The following GMDS variants were observed in gnomAD, a reference collection of about 807,000 sequenced individuals.
The protein encoded by GMDS is GDP-mannose 4,6-dehydratase, also known as GDP-mannose 4,6 dehydratase.
A neutral mutation model predicts 49.9 loss-of-function variants in GMDS; 20 were observed. The observed-to-expected ratio is 0.40, with a 90% CI of 0.28 to 0.58. The LOEUF (loss-of-function observed/expected upper bound fraction) is 0.58, where lower values mean the gene tolerates loss of function less well. Among genes scored for constraint, GMDS ranks in the 20% least tolerant of loss-of-function variants. GMDS has a pLI of 0.42. For missense variants in GMDS, 362 were observed against 481.4 expected (o/e 0.75, Z 2.32); for synonymous variants, 177 against 178.6 (o/e 0.99, Z 0.07).
chr6:1,630,981 G>A (rs1762982780), intron 9 of GMDS, among the ~76,000 whole-genome samples: 1 of 152,214 alleles, frequency 6.6e-6, no homozygotes, highest in Admixed American at 6.5e-5. Context: ...CCAGCACCAT[G>A]TTGGTCGGAA....
intron 7 of GMDS, among the ~76,000 whole-genome samples, chr6:1,851,951 C>G (rs2113767130): frequency 6.6e-6 from 1 of 152,292 alleles, no homozygotes; most frequent in Non-Finnish European, 1.5e-5. Context: ...ACCATGGGTA[C>G]TAACGTCTCA....
chr6:1,941,736 C>G (rs1762833155), intron 6 of GMDS, among the ~76,000 whole-genome samples: 1 of 152,090 alleles, frequency 6.6e-6, no homozygotes, highest in Admixed American at 6.5e-5. Flanking sequence ...GAAACTGATC[C>G]AGGAGAGAGG....
chr6:1,880,815 C>A (rs1354366166), intron 7 of GMDS, among the ~76,000 whole-genome samples: 2 of 152,074 alleles, frequency 1.3e-5, no homozygotes, highest in Non-Finnish European at 1.5e-5. Context: ...CCAACAATGG[C>A]CAGCTGGAAA....
At chr6:1,670,141 A>G (rs966033428) in intron 9 of GMDS, among the ~76,000 whole-genome samples, 2 of 151,964 alleles carry the variant, frequency 1.3e-5, no homozygotes, top group African/African-American at 2.4e-5. Flanking sequence ...CGTGCACCGC[A>G]CTGCCCCACC....
At chr6:2,127,716 G>GC (rs1303146383) in intron 1 of GMDS, among the ~76,000 whole-genome samples, 5 of 152,212 alleles carry the variant, frequency 3.3e-5, no homozygotes, top group Non-Finnish European at 7.3e-5. Context: ...CCAGCTGGCC[G>GC]CCCCCTCGTC....
intron 4 of GMDS, among the ~76,000 whole-genome samples, chr6:2,072,414 AAT>A (rs1772070555): frequency 6.6e-6 from 1 of 152,220 alleles, no homozygotes; most frequent in African/African-American, 2.4e-5. Context: ...TTTCATTTTA[AAT>A]AAAACTGATC....
At chr6:1,648,822 CCT>C (rs1304325044) in intron 9 of GMDS, among the ~76,000 whole-genome samples, 1 of 152,174 alleles carries the variant, frequency 6.6e-6, no homozygotes, top group African/African-American at 2.4e-5. Flanking sequence ...CTGCTGCCTC[CCT>C]GTTTGATTTC....
chr6:1,949,084 T>C, intron 6 of GMDS: 1 of 931,210 alleles, frequency 1.1e-6, no homozygotes, highest in African/African-American at 1.8e-5. Context: ...GTAAAAAAAC[T>C]AATTCTCTAG....
intron 6 of GMDS, among the ~76,000 whole-genome samples, chr6:1,952,737 G>A (rs905088322): frequency 1.3e-5 from 2 of 151,954 alleles, no homozygotes; most frequent in African/African-American, 2.4e-5. Flanking sequence ...AGGCAAATAT[G>A]GAAAGGAAGA....
At chr6:1,769,793 C>G (rs570636867) in intron 7 of GMDS, among the ~76,000 whole-genome samples, 7 of 152,002 alleles carry the variant, frequency 4.6e-5, no homozygotes, top group Non-Finnish European at 8.8e-5. Context: ...AATGCGTGAT[C>G]TCTGCTCACT....
intron 6 of GMDS, among the ~76,000 whole-genome samples, chr6:1,938,120 A>C (rs953713113): frequency 6.6e-6 from 1 of 152,210 alleles, no homozygotes; most frequent in East Asian, 1.9e-4. Context: ...CGTGAGCATA[A>C]TAGCCAAATA....
At chr6:2,157,990 A>T (rs1412929320) in intron 1 of GMDS, among the ~76,000 whole-genome samples, 1 of 152,126 alleles carries the variant, frequency 6.6e-6, no homozygotes, top group Non-Finnish European at 1.5e-5. Context: ...TACAGTTCTG[A>T]TTCACTATTG....
chr6:1,827,697 A>T (rs954381423), intron 7 of GMDS, among the ~76,000 whole-genome samples: 2 of 152,190 alleles, frequency 1.3e-5, no homozygotes, highest in African/African-American at 4.8e-5. Flanking sequence ...GGAAGCCACC[A>T]TGCATAGCCA....
At chr6:1,738,498 G>C (rs187112951) in intron 8 of GMDS, among the ~76,000 whole-genome samples, 732 of 152,260 alleles carry the variant, frequency 4.8e-3, no homozygotes, top group Non-Finnish European at 8.9e-3. Context: ...AAGCCTTTTC[G>C]GAGAACATTA....
chr6:2,136,775 G>A (rs1265710508), intron 1 of GMDS, among the ~76,000 whole-genome samples: 1 of 151,890 alleles, frequency 6.6e-6, no homozygotes, highest in Non-Finnish European at 1.5e-5. Flanking sequence ...TGGTGAGGCA[G>A]GCCTGTAGTC....
At chr6:2,225,128 TG>T (rs1001378338) in intron 1 of GMDS, among the ~76,000 whole-genome samples, 2 of 149,186 alleles carry the variant, frequency 1.3e-5, no homozygotes, top group African/African-American at 2.5e-5. Context: ...AAGACCAGCC[TG>T]GGCAACATGG....
At chr6:1,637,234 C>A (rs1268889511) in intron 9 of GMDS, among the ~76,000 whole-genome samples, 1 of 152,182 alleles carries the variant, frequency 6.6e-6, no homozygotes, top group Non-Finnish European at 1.5e-5. Flanking sequence ...CTCCCTTGGC[C>A]CTGGTCTCCC....
intron 9 of GMDS, among the ~76,000 whole-genome samples, chr6:1,683,934 C>A (rs1179178116): frequency 6.7e-6 from 1 of 150,368 alleles, no homozygotes; most frequent in Non-Finnish European, 1.5e-5. Flanking sequence ...CTGGATCCGC[C>A]CTCTATCAGC....
chr6:1,682,466 C>A (rs1764821584), intron 9 of GMDS, among the ~76,000 whole-genome samples: 1 of 152,202 alleles, frequency 6.6e-6, no homozygotes, highest in Non-Finnish European at 1.5e-5. Context: ...GGTGCCATTG[C>A]CACTGGGAGG....
Sources: gnomAD v4.1 joint callset for allele counts (sites outside exome capture counted in the v4.1 genomes callset) on GRCh38, gnomAD v4.1.1 for gene constraint, MANE v1.5 for transcripts, NCBI Gene and HGNC (gene_info 2026-07-23, HGNC 2026-07-21) for gene names.